TMEM144: variants seen among roughly 807,000 people sequenced by gnomAD.
TMEM144 encodes the protein transmembrane protein 144.
A neutral mutation model predicts 43.6 loss-of-function variants in TMEM144; 39 were observed. The ratio of observed to expected loss-of-function variants is 0.90; its 90% CI spans 0.69 to 1.17. The LOEUF (loss-of-function observed/expected upper bound fraction) is 1.17, where lower values mean the gene tolerates loss of function less well. TMEM144 is among the 50% of genes most tolerant of loss of function. The pLI is 0.00. For synonymous variants in TMEM144, 154 were observed against 133.6 expected (o/e 1.15, Z -1.06); for missense variants, 417 against 411.9 (o/e 1.01, Z -0.11).
In TMEM144 at chr4:158,248,235, C is replaced by A. The variant is rs1192034932; in HGVS notation, c.954+3886C>A. Among the ~76,000 whole-genome samples the A allele has an allele frequency of 2.0e-5, 3 of 151,570 alleles. No individual in the cohort carries two copies. In the East Asian group the frequency reaches 5.8e-4, roughly 29 times the overall value. ...ATCACTTGAGCTCAGGAGTTCAAGA[C>A]CAGCCAGGGTGACATGGCAAAACCC... On this transcript the variant is annotated intron_variant, in intron 12 of 12. Coordinates refer to ENST00000296529, the MANE Select transcript of TMEM144 (RefSeq NM_018342.5).
At chr4:158,216,177 A>G (rs141964903) in intron 4 of TMEM144, among the ~76,000 whole-genome samples, 274 of 152,278 alleles carry the variant, frequency 1.8e-3, no homozygotes, top group African/African-American at 6.3e-3. Flanking sequence ...CAGACTAAGC[A>G]TCCATCCATC....
chr4:158,253,471 C>G lies in TMEM144; in HGVS notation c.982C>G (p.Leu328Val), dbSNP rs780762606. The change falls in exon 13 of 13, where the codon CTT becomes GTT. Residue 328 changes from leucine to valine, a missense_variant. Physicochemically the swap from Leu to Val is conservative, Grantham distance 32 (BLOSUM62 1). Coordinates refer to ENST00000296529, the MANE Select transcript of TMEM144 (RefSeq NM_018342.5). ...TCTACAAAACTACCTATTAATGATA[C>G]TTGCATTTTGCATCATCTTGACTGG... ...KGLQNYLLMI[L>V]AFCIILTGAL... The G allele has an allele frequency of 6.2e-7, 1 of 1,613,554 alleles. No individual in the cohort carries two copies. The highest frequency in any genetic ancestry group is 8.5e-7 in the Non-Finnish European group (1 of 1,179,836).
At chr4:158,229,470 A>G (rs544745497) in intron 6 of TMEM144, among the ~76,000 whole-genome samples, 8 of 152,060 alleles carry the variant, frequency 5.3e-5, no homozygotes, top group Admixed American at 5.2e-4. Flanking sequence ...GATCTCACCC[A>G]GTTGGGTGGC....
rs1336133767 is a variant in TMEM144 at position 158,237,661 on chromosome 4, TCTTA to T, written c.682+22_682+25del. On this transcript the variant is annotated intron_variant, in intron 9 of 12. Transcript: ENST00000296529. ...CCAATATGGTGAGAATAAAAAGTTATCTTACTTTATTAATATCTACTTTTTATGA... is the reference window on the plus strand; with the variant it reads ...CCAATATGGTGAGAATAAAAAGTTATCTTTATTAATATCTACTTTTTATGA... The T allele has an allele frequency of 2.0e-6, 3 of 1,493,300 alleles. No individual in the cohort carries two copies. The highest frequency in any genetic ancestry group is 2.8e-5 in the African/African-American group (2 of 71,852). The allele number at this position is 1,493,300 out of a possible 1,614,324, so 92.5% of individuals were successfully genotyped here. A position where few individuals can be genotyped will look rare whatever the true frequency, so the allele number is the denominator to read the frequency against.
chr4:158,249,154 C>G (rs1281870182), intron 12 of TMEM144, among the ~76,000 whole-genome samples: 1 of 152,208 alleles, frequency 6.6e-6, no homozygotes, highest in South Asian at 2.1e-4. Flanking sequence ...ATCTGCCCGC[C>G]TCGGCCTCCC....
intron 3 of TMEM144, among the ~76,000 whole-genome samples, chr4:158,214,754 G>A (rs141157472): frequency 6.6e-6 from 1 of 152,262 alleles, no homozygotes; most frequent in Non-Finnish European, 1.5e-5. Flanking sequence ...AAGGTTTACT[G>A]TTGTGCTATT....
rs748237296 is a variant in TMEM144, at chr4:158,232,986, A to T, written c.495+4A>T. The T allele has an allele frequency of 2.5e-6, 4 of 1,590,406 alleles. No homozygotes were observed. The Admixed American group carries it at 7.0e-5, about 28-fold the overall frequency. On this transcript the variant is annotated splice_donor_region_variant and intron_variant, in intron 7 of 12. Transcript: ENST00000296529. ...CACTCCATTAATAACAGAGCATGTG[A>T]GTATAGTATGAGAGACAACTTGATT...
chr4:158,213,796 A>C (rs746525200), intron 3 of TMEM144: 2 of 151,878 alleles, frequency 1.3e-5, no homozygotes, highest in Non-Finnish European at 2.9e-5. Context: ...AAATAGGATT[A>C]CCTCCTATTT....
Position 158,244,324 on chromosome 4 carries a change from G to C in TMEM144, c.929G>C (p.Gly310Ala), listed in dbSNP as rs138723611. Residue 310 changes from glycine (G) to alanine (A), a missense_variant, in exon 12 of 13, where the codon GGT becomes GCT. Gly to Ala is a moderately conservative substitution (Grantham distance 60). Coordinates refer to ENST00000296529, the MANE Select transcript of TMEM144 (RefSeq NM_018342.5). ...AGPGFIAAMW[G>A]IFMFKEIKGL... ...CCAGGATTTATAGCTGCAATGTGGG[G>C]TATCTTCATGTTTAAGGAAATAAAG... is the stretch of plus-strand genomic sequence containing the variant. The C allele has an allele frequency of 3.7e-6, 6 of 1,607,946 alleles. No individual in the cohort carries two copies. The East Asian group carries it at 1.3e-4, about 36-fold the overall frequency.
At chr4:158,226,787 C>G (rs954588867) in intron 6 of TMEM144, among the ~76,000 whole-genome samples, 10 of 152,100 alleles carry the variant, frequency 6.6e-5, no homozygotes, top group Non-Finnish European at 4.4e-5. Flanking sequence ...AACTTTCTGA[C>G]TTATTACAAA....
rs570525104 is a variant in TMEM144, at chr4:158,225,676, A to T, written c.413+6286A>T. 7.9e-5 allele frequency among the ~76,000 whole-genome samples: 12 copies of T among 152,370 alleles called. 1 individual carries two copies. In the East Asian group the frequency reaches 2.3e-3, roughly 29 times the overall value. On this transcript the variant is annotated intron_variant, in intron 6 of 12. Coordinates refer to ENST00000296529, the MANE Select transcript of TMEM144 (RefSeq NM_018342.5). ...AAGTGCCATGCTAGTTATTCGGCAG[A>T]GTGCCCAGTAAAGGTCCACGACAAT... is the stretch of plus-strand genomic sequence containing the variant.
intron 9 of TMEM144, 32 bp from the exon 10 acceptor site, chr4:158,240,267 G>T: frequency 6.3e-7 from 1 of 1,585,136 alleles, no homozygotes; most frequent in South Asian, 1.2e-5. Flanking sequence ...TGATTAAAAT[G>T]GTGTTTGAGA....
intron 11 of TMEM144, among the ~76,000 whole-genome samples, chr4:158,242,283 T>C (rs1735670971): frequency 6.6e-6 from 1 of 152,198 alleles, no homozygotes; most frequent in East Asian, 1.9e-4. Context: ...GTATTTGGAA[T>C]TGGTGAGGGA....
intron 12 of TMEM144, 71 bp downstream of exon 12, chr4:158,244,420 C>T (rs2111147701): frequency 7.5e-7 from 1 of 1,329,880 alleles, no homozygotes; most frequent in Non-Finnish European, 1.1e-6. Flanking sequence ...CACGCTTGTC[C>T]TGGCACTTTG....
chr4:158,249,887 GGTGTGTGTGTGTGT>G (rs149144602), intron 12 of TMEM144, among the ~76,000 whole-genome samples: 26 of 134,532 alleles, frequency 1.9e-4, no homozygotes, highest in Admixed American at 7.5e-4. Flanking sequence ...CCTACTGCCA[GGTGTGTGTGTGTGT>G]GTGTGTGTGT....
chr4:158,239,684 A>G (rs1735527202), intron 9 of TMEM144, among the ~76,000 whole-genome samples: 1 of 152,136 alleles, frequency 6.6e-6, no homozygotes, highest in Non-Finnish European at 1.5e-5. Flanking sequence ...CTGAGTGCCT[A>G]TTTTTAAAAG....
At chr4:158,230,845 G>A (rs1159600941) in intron 6 of TMEM144, among the ~76,000 whole-genome samples, 1 of 152,062 alleles carries the variant, frequency 6.6e-6, no homozygotes, top group African/African-American at 2.4e-5. Flanking sequence ...TAAAAGACAG[G>A]TTGACAAGAC....
At chr4:158,224,293 T>C (rs1284090478) in intron 6 of TMEM144, among the ~76,000 whole-genome samples, 1 of 152,220 alleles carries the variant, frequency 6.6e-6, no homozygotes, top group Non-Finnish European at 1.5e-5. Context: ...AAGTTCCTTG[T>C]AAATTCTGGA....
At position 158,215,335 on chromosome 4, in the gene TMEM144, A is replaced by G. The variant is rs1434842408; in HGVS notation, c.232+22A>G. The G allele has an allele frequency of 2.5e-6, 4 of 1,609,590 alleles. No individual in the cohort carries two copies. The Admixed American group carries it at 6.7e-5, about 27-fold the overall frequency. On this transcript the variant is annotated intron_variant, in intron 4 of 12. Transcript: ENST00000296529. The stretch of plus-strand genomic sequence containing the variant: ...ACAGGTAATGTCTGATATAACTTAT[A>G]CTTTTATTATGTAACATAATGATAA...
Sources: allele counts gnomAD v4.1 joint callset (sites outside exome capture counted in the v4.1 genomes callset), GRCh38; gene constraint gnomAD v4.1.1; transcripts MANE v1.5; gene names NCBI Gene and HGNC (gene_info 2026-07-23, HGNC 2026-07-21).